The following PCDHGB6 variants were observed in gnomAD, a reference collection of about 807,000 sequenced individuals.
PCDHGB6 encodes the protein protocadherin gamma subfamily B, 6, also known as protocadherin gamma-B6.
Under a neutral mutation model 59.1 loss-of-function variants are expected in PCDHGB6, and 51 were observed. The ratio of observed to expected loss-of-function variants is 0.86; its 90% CI spans 0.69 to 1.09. The LOEUF (loss-of-function observed/expected upper bound fraction) is 1.09, where lower values mean the gene tolerates loss of function less well. PCDHGB6 is among the 50% of genes least tolerant of loss of function. PCDHGB6 has a pLI of 0.00. For missense variants in PCDHGB6, 1,148 were observed against 1,205.1 expected, an observed-to-expected ratio of 0.95 and a Z score of 0.70; for synonymous variants, 466 against 495.1, an observed-to-expected ratio of 0.94 and a Z score of 0.78.
At chr5:141,468,425 T>TA (rs2099167168) in intron 1 of PCDHGB6, 1 of 151,612 alleles carries the variant, frequency 6.6e-6, no homozygotes, top group Non-Finnish European at 1.5e-5. Context: ...GATAGCAAGG[T>TA]AATAGCAAAA....
chr5:141,432,286 C>T lies in PCDHGB6; in HGVS notation c.2418+21666C>T. ...TATCGTCCTACGTGTCCATCAACTCCGACACTGGGGTACTGTATGCGCTGA... is the reference window on the plus strand; with the variant it reads ...TATCGTCCTACGTGTCCATCAACTCTGACACTGGGGTACTGTATGCGCTGA... On this transcript the variant is annotated intron_variant, in intron 1 of 3. Transcript: ENST00000520790. This position sits in a 1 kb window ranked among gnomAD's most constrained non-coding sequence, Gnocchi z 6.0. 3 of 1,614,252 alleles carry T rather than the reference C, an allele frequency of 1.9e-6. No homozygotes were observed. Among genetic ancestry groups the T allele is most frequent in the Non-Finnish European group, 2.5e-6 (3 of 1,180,048 alleles).
At position 141,489,063 on chromosome 5, in the gene PCDHGB6, C is replaced by A; in HGVS notation, c.2419-5744C>A. ...CTCCACTCAAATTCAGCTCCCCTCC[C>A]CCCTGCCCACCCCCGCCACTCGGTG... On this transcript the variant is annotated intron_variant, in intron 1 of 3. Coordinates refer to ENST00000520790, the MANE Select transcript of PCDHGB6 (RefSeq NM_018926.3). This position sits in a 1 kb window ranked among gnomAD's most constrained non-coding sequence, Gnocchi z 4.5. 2.6e-6 allele frequency: 1 copy of A among 384,986 alleles called. No individual in the cohort carries two copies. Among genetic ancestry groups the A allele is most frequent in the East Asian group, 4.5e-5 (1 of 22,374 alleles). 23.8% of individuals were successfully genotyped at this position (384,986 alleles called of 1,614,324 possible). A position where few individuals can be genotyped will look rare whatever the true frequency, so the allele number is the denominator to read the frequency against.
At chr5:141,455,013 C>T (rs1468289988) in intron 1 of PCDHGB6, among the ~76,000 whole-genome samples, 2 of 151,130 alleles carry the variant, frequency 1.3e-5, no homozygotes, top group African/African-American at 4.9e-5. Context: ...GGGGTTTCAC[C>T]GTGTTAGCCA....
Position 141,511,165 on chromosome 5 carries a change from A to G in PCDHGB6, c.2785A>G (p.Lys929Glu). 1 of 1,614,096 alleles carries G rather than the reference A, an allele frequency of 6.2e-7. No homozygotes were observed. Among genetic ancestry groups the G allele is most frequent in the East Asian group, 2.2e-5 (1 of 44,870 alleles). ...CAAGAAGAAGTCGGGCAAGAAGGAGAAGAAGTAACATGGAGGCCAGGCCAA... is the reference window on the plus strand; with the variant it reads ...CAAGAAGAAGTCGGGCAAGAAGGAGGAGAAGTAACATGGAGGCCAGGCCAA... ...GNKKKSGKKE[K>E]K Residue 929 changes from lysine (K) to glutamate (E), a missense_variant, in exon 4 of 4, where the codon AAG (lysine) becomes GAG (glutamate). Physicochemically the swap from Lys to Glu is moderately conservative, Grantham distance 56. Transcript: ENST00000520790.
intron 1 of PCDHGB6, chr5:141,410,849 CTTTT>C (rs759346998): frequency 4.9e-3 from 673 of 137,520 alleles, no homozygotes; most frequent in South Asian, 8.7e-3. Flanking sequence ...TTGTCTTTGT[CTTTT>C]TTTTTTTTTT....
chr5:141,428,031 G>A (rs760882803), intron 1 of PCDHGB6: 6 of 1,607,376 alleles, frequency 3.7e-6, no homozygotes, highest in South Asian at 3.3e-5. Context: ...CGCAGAGTCC[G>A]GCTACCTGGT....
At chr5:141,418,778 T>A (rs1256260275) in intron 1 of PCDHGB6, 1 of 1,613,626 alleles carries the variant, frequency 6.2e-7, no homozygotes, top group East Asian at 2.2e-5. Flanking sequence ...TCAGCAGCCT[T>A]TGGATTTTGA....
At chr5:141,501,809 A>G (rs2099811165) in intron 2 of PCDHGB6, among the ~76,000 whole-genome samples, 1 of 152,176 alleles carries the variant, frequency 6.6e-6, no homozygotes, top group African/African-American at 2.4e-5. Flanking sequence ...ACCCAGCTTC[A>G]CATAATTGGC....
At position 141,410,338 on chromosome 5, in the gene PCDHGB6, C is replaced by T. The variant is rs1050053577; in HGVS notation, c.2136C>T (p.Ala712=). Residue 712 remains alanine, a synonymous_variant, in exon 1 of 4, where the codon GCC becomes GCT. Transcript: ENST00000520790. ...TCCTCGCCGTGATTCTGGCCATTGCCTTGCGCCTGCGACGCTCTCTCAGCC... is the reference window on the plus strand; with the variant it reads ...TCCTCGCCGTGATTCTGGCCATTGCTTTGCGCCTGCGACGCTCTCTCAGCC... The part of the protein sequence containing the change: ...LFLLAVILAI[A]LRLRRSLSPA... The T allele has an allele frequency of 2.2e-5, 35 of 1,613,900 alleles. No homozygotes were observed. Among genetic ancestry groups the T allele is most frequent in the Non-Finnish European group, 2.2e-5 (26 of 1,179,906 alleles).
At chr5:141,422,302 G>A (rs749870505) in intron 1 of PCDHGB6, 2 of 1,549,012 alleles carry the variant, frequency 1.3e-6, no homozygotes, top group Admixed American at 4.3e-5. Flanking sequence ...TTCAATTCTG[G>A]AAAACTCTCC....
intron 1 of PCDHGB6, among the ~76,000 whole-genome samples, chr5:141,473,466 G>A (rs1217251844): frequency 1.3e-5 from 2 of 151,738 alleles, no homozygotes; most frequent in East Asian, 1.9e-4. Flanking sequence ...TTAAAGTTGT[G>A]CCAAGTTCAA....
At chr5:141,427,327 C>T (rs2097016376) in intron 1 of PCDHGB6, 1 of 457,028 alleles carries the variant, frequency 2.2e-6, no homozygotes, top group African/African-American at 2.0e-5. Flanking sequence ...GTGGTTTTTA[C>T]TTCAGTGTCC....
chr5:141,408,784 A>G lies in PCDHGB6; in HGVS notation c.582A>G (p.Leu194=), dbSNP rs777838376. ...CCGATGGTGGCAAATACCCAGAGTT[A>G]TCTCTGGAGAAACTCCTAGACCGGG... The part of the protein sequence containing the change: ...VNSDGGKYPE[L]SLEKLLDREE... Residue 194 remains leucine, a synonymous_variant, in exon 1 of 4, where the codon TTA becomes TTG. Transcript: ENST00000520790. The G allele has an allele frequency of 1.2e-6, 2 of 1,612,506 alleles. No homozygotes were observed. The highest frequency in any genetic ancestry group is 1.7e-5 in the Admixed American group (1 of 59,830).
At position 141,512,815 on chromosome 5, in the gene PCDHGB6, A is replaced by AC. The variant is rs1215322144; in HGVS notation, c.*1647dup. ...TGTGCTGTGTCCACGCGCTAAGGCG[A>AC]CCCCCTCCCCCGTACTGACTTCTCC... is the stretch of plus-strand genomic sequence containing the variant. On this transcript the variant is annotated 3_prime_UTR_variant, in exon 4 of 4. Coordinates refer to ENST00000520790, the MANE Select transcript of PCDHGB6 (RefSeq NM_018926.3). The AC allele has an allele frequency of 6.7e-6, 1 of 149,682 alleles. No homozygotes were observed. The highest frequency in any genetic ancestry group is 1.5e-5 in the Non-Finnish European group (1 of 67,474). 9.3% of individuals were successfully genotyped at this position (149,682 alleles called of 1,614,324 possible).
intron 1 of PCDHGB6, among the ~76,000 whole-genome samples, chr5:141,435,921 C>T (rs767290430): frequency 1.3e-5 from 2 of 152,186 alleles, no homozygotes; most frequent in Admixed American, 6.5e-5. Context: ...CTCTAAAATG[C>T]GGCAGTTGCT....
chr5:141,498,119 T>C (rs780741291), intron 2 of PCDHGB6, among the ~76,000 whole-genome samples: 42 of 152,192 alleles, frequency 2.8e-4, no homozygotes, highest in Non-Finnish European at 4.8e-4. Flanking sequence ...AATAGGGATT[T>C]GATTTAGGGA....
intron 1 of PCDHGB6, among the ~76,000 whole-genome samples, chr5:141,458,513 G>T (rs968604511): frequency 6.8e-6 from 1 of 146,128 alleles, no homozygotes; most frequent in Non-Finnish European, 1.5e-5. Flanking sequence ...TTGACACTTT[G>T]TTTTTTTTTT....
chr5:141,510,791 A>C (rs1244085822), intron 3 of PCDHGB6, 156 bp from the exon 4 acceptor site: 1 of 929,250 alleles, frequency 1.1e-6, no homozygotes, highest in Non-Finnish European at 1.3e-6. Context: ...AACTCTTGTG[A>C]AGAGAGACTA....
At chr5:141,430,021 T>C (rs2097257368) in intron 1 of PCDHGB6, among the ~76,000 whole-genome samples, 1 of 152,226 alleles carries the variant, frequency 6.6e-6, no homozygotes, top group Admixed American at 6.5e-5. Context: ...TGGGTTCTTG[T>C]TAAGTGTGAT....
Sources: gnomAD v4.1 joint callset for allele counts (sites outside exome capture counted in the v4.1 genomes callset) on GRCh38, gnomAD v4.1.1 for gene constraint, Gnocchi (gnomAD v3.1) non-coding constraint, MANE v1.5 for transcripts, NCBI Gene and HGNC (gene_info 2026-07-23, HGNC 2026-07-21) for gene names.